Variants in PHACTR2 observed in about 807,000 individuals in gnomAD.
PHACTR2 encodes phosphatase and actin regulator 2, also known as chromosome 6 open reading frame 56.
Under a neutral mutation model 76.0 loss-of-function variants are expected in PHACTR2, and 30 were observed. That is an observed-to-expected ratio of 0.39 (90% CI 0.30 to 0.54). The LOEUF is 0.54. Ranked by LOEUF, PHACTR2 falls within the 20% of genes least tolerant of loss-of-function variation. The pLI is 0.61. For missense variants in PHACTR2, 696 were observed against 781.1 expected (o/e 0.89, Z 1.30); for synonymous variants, 292 against 292.5 (o/e 1.00, Z 0.02).
rs1370221196 is a variant in PHACTR2 at position 143,777,281 on chromosome 6, A to G, written c.1590-47A>G. ...GTTGTTTTATTCTGAGTCTCCTACT[A>G]GGGTACCTTGTTTTTAACCTGTAAT... On this transcript the variant is annotated intron_variant, in intron 8 of 12. Transcript: ENST00000440869. This position sits in a 1 kb window ranked among gnomAD's most constrained non-coding sequence, Gnocchi z 4.6. 1 of 976,230 alleles carries G rather than the reference A, an allele frequency of 1.0e-6. No individual in the cohort carries two copies. The highest frequency in any genetic ancestry group is 1.6e-5 in the African/African-American group (1 of 61,284). 60.5% of individuals were successfully genotyped at this position (976,230 alleles called of 1,614,324 possible).
chr6:143,537,291 C>A lies in PHACTR2; in HGVS notation c.217+84C>A, dbSNP rs1252223697. On this transcript the variant is annotated intron_variant, in intron 1 of 11. Coordinates refer to the PHACTR2 transcript ENST00000367584. This position sits in a 1 kb window ranked among gnomAD's most constrained non-coding sequence, Gnocchi z 4.4. The stretch of plus-strand genomic sequence containing the variant: ...GGCGACGCGGCCAACCCGGGGCGCC[C>A]GCGGGCACTGGCCCGGCAGGCTGGC... 1.4e-5 allele frequency: 2 copies of A among 146,950 alleles called. No individual in the cohort carries two copies. The highest frequency in any genetic ancestry group is 5.0e-5 in the African/African-American group (2 of 40,046). The allele number at this position is 146,950 out of a possible 1,614,324, so 9.1% of individuals were successfully genotyped here. A position where few individuals can be genotyped will look rare whatever the true frequency, so the allele number is the denominator to read the frequency against.
intron 2 of PHACTR2, among the ~76,000 whole-genome samples, chr6:143,715,933 A>G (rs1054363590): frequency 2.6e-5 from 4 of 152,128 alleles, no homozygotes; most frequent in African/African-American, 9.7e-5. Flanking sequence ...TAGTCCTATC[A>G]CCTAATGTCT....
intron 10 of PHACTR2, among the ~76,000 whole-genome samples, chr6:143,785,876 A>G (rs1187125306): frequency 4.6e-5 from 7 of 152,220 alleles, no homozygotes; most frequent in Admixed American, 1.3e-4. Context: ...TGCACACAGC[A>G]CAGGGACCCT....
chr6:143,627,844 G>A lies in PHACTR2; in HGVS notation c.13+19522G>A, dbSNP rs538890994. ...TCTCGATCTCCTGACCTTGTGATCC[G>A]CCCACCTCGGCCTCCCAAAGTACAA... On this transcript the variant is annotated intron_variant, in intron 1 of 11. Transcript: ENST00000305766. The surrounding 1 kb of genome is among the most constrained non-coding windows in gnomAD (Gnocchi z 4.3). Among the ~76,000 whole-genome samples the A allele has an allele frequency of 4.6e-5, 7 of 151,702 alleles. No individual in the cohort carries two copies. Among genetic ancestry groups the A allele is most frequent in the South Asian group, 2.1e-4 (1 of 4,794 alleles).
In PHACTR2 at chr6:143,580,385, T is replaced by G. The variant is rs575662172; in HGVS notation, c.217+43178T>G. 7.9e-4 allele frequency among the ~76,000 whole-genome samples: 120 copies of G among 152,334 alleles called. No homozygotes were observed. Among genetic ancestry groups the G allele is most frequent in the African/African-American group, 2.6e-3 (109 of 41,570 alleles). On this transcript the variant is annotated intron_variant, in intron 1 of 11. Coordinates refer to the PHACTR2 transcript ENST00000367584. The surrounding 1 kb of genome is among the most constrained non-coding windows in gnomAD (Gnocchi z 4.2). ...CTGTAGTCCCAGCTACTCTGGAGGC[T>G]GAGGCAGGAGAATGGCGTGAACCCA... is the stretch of plus-strand genomic sequence containing the variant.
At position 143,742,995 on chromosome 6, in the gene PHACTR2, TC is replaced by T. The variant is rs1778978171; in HGVS notation, c.215-5988del. Among the ~76,000 whole-genome samples, 1 of 152,174 alleles carries T rather than the reference TC, an allele frequency of 6.6e-6. No individual in the cohort carries two copies. Among genetic ancestry groups the T allele is most frequent in the Non-Finnish European group, 1.5e-5 (1 of 68,038 alleles). On this transcript the variant is annotated intron_variant, in intron 2 of 12. Coordinates refer to ENST00000440869, the MANE Select transcript of PHACTR2 (RefSeq NM_001100164.2). This position sits in a 1 kb window ranked among gnomAD's most constrained non-coding sequence, Gnocchi z 4.5. ...TTTACTTGGTTTAACCTATTTAGTC[TC>T]CAAAAGAACCAGGAAAGTAGTTGCT...
rs1781195289 is a variant in PHACTR2, at chr6:143,543,853, T to C, written c.217+6646T>C. Among the ~76,000 whole-genome samples the C allele has an allele frequency of 6.6e-6, 1 of 152,188 alleles. No individual in the cohort carries two copies. The highest frequency in any genetic ancestry group is 2.1e-4 in the South Asian group (1 of 4,822). ...ATATGGATATATTCTGAGTATATTC[T>C]GACATGAACACTGAAAGACAGAGAC... On this transcript the variant is annotated intron_variant, in intron 1 of 11. Coordinates refer to the PHACTR2 transcript ENST00000367584. The surrounding 1 kb of genome is among the most constrained non-coding windows in gnomAD (Gnocchi z 4.7).
rs1349737009 is a variant in PHACTR2, at chr6:143,783,888, G to T, written c.1707+608G>T. 6.6e-6 allele frequency among the ~76,000 whole-genome samples: 1 copy of T among 151,932 alleles called. No individual in the cohort carries two copies. Among genetic ancestry groups the T allele is most frequent in the Non-Finnish European group, 1.5e-5 (1 of 67,976 alleles). ...AAATTGTTTTGAGTCAGGTGCAATG[G>T]CACGCACCTGTAGTCCCAGCTACTT... On this transcript the variant is annotated intron_variant, in intron 10 of 12. Coordinates refer to ENST00000440869, the MANE Select transcript of PHACTR2 (RefSeq NM_001100164.2). The surrounding 1 kb of genome is among the most constrained non-coding windows in gnomAD (Gnocchi z 5.2).
chr6:143,815,855 G>A (rs1490190395), intron 12 of PHACTR2, among the ~76,000 whole-genome samples: 1 of 146,332 alleles, frequency 6.8e-6, no homozygotes, highest in African/African-American at 2.5e-5. Flanking sequence ...TTGCACCACT[G>A]CACACTAGCC....
At chr6:143,538,093 TACACAC>T (rs34308001) in intron 1 of PHACTR2, among the ~76,000 whole-genome samples, 4 of 150,562 alleles carry the variant, frequency 2.7e-5, no homozygotes, top group Admixed American at 1.3e-4. Flanking sequence ...GACTCCGTCT[TACACAC>T]ACACACACAC....
Position 143,750,825 on chromosome 6 carries a change from T to G in PHACTR2, c.295+1760T>G, listed in dbSNP as rs534342843. Among the ~76,000 whole-genome samples, 13 of 152,306 alleles carry G rather than the reference T, an allele frequency of 8.5e-5. No individual in the cohort carries two copies. The highest frequency in any genetic ancestry group is 7.8e-4 in the Admixed American group (12 of 15,296). On this transcript the variant is annotated intron_variant, in intron 3 of 12. Coordinates refer to ENST00000440869, the MANE Select transcript of PHACTR2 (RefSeq NM_001100164.2). The surrounding 1 kb of genome is among the most constrained non-coding windows in gnomAD (Gnocchi z 4.6). ...TAAAACATAAAAGAACAAAACAATT[T>G]TTTAACCTAAGCATAATATAATAAT...
At chr6:143,607,189 G>A (rs1368743348), upstream of PHACTR2, among the ~76,000 whole-genome samples, 1 of 152,148 alleles carries the variant, frequency 6.6e-6, no homozygotes, top group Non-Finnish European at 1.5e-5. Context: ...AATTCTGTCT[G>A]TATAAAAGAC....
At chr6:143,724,050 C>T (rs1778502743) in intron 2 of PHACTR2, among the ~76,000 whole-genome samples, 1 of 151,842 alleles carries the variant, frequency 6.6e-6, no homozygotes. Flanking sequence ...GCAGCCTCTG[C>T]CTCCCAGGTT....
At chr6:143,645,876 T>TTTTA (rs1417193860) in intron 1 of PHACTR2, among the ~76,000 whole-genome samples, 1 of 152,198 alleles carries the variant, frequency 6.6e-6, no homozygotes, top group Admixed American at 6.5e-5. Context: ...AGAAAATATT[T>TTTTA]TTTAAAGTGT....
intron 10 of PHACTR2, 41 bp from the exon 11 acceptor site, chr6:143,788,732 G>A (rs758013407): frequency 4.5e-6 from 7 of 1,569,514 alleles, no homozygotes; most frequent in Non-Finnish European, 6.1e-6. Flanking sequence ...GAGGCTGTAA[G>A]TGGTTTACTG....
rs767420155 is a variant in PHACTR2 at position 143,537,873 on chromosome 6, A to T, written c.217+666A>T. 2.0e-5 allele frequency among the ~76,000 whole-genome samples: 3 copies of T among 152,192 alleles called. No homozygotes were observed. Among genetic ancestry groups the T allele is most frequent in the African/African-American group, 4.8e-5 (2 of 41,450 alleles). On this transcript the variant is annotated intron_variant, in intron 1 of 11. Transcript: ENST00000367584. The surrounding 1 kb of genome is among the most constrained non-coding windows in gnomAD (Gnocchi z 4.4). Reference sequence around the variant, plus strand: ...GTAATTCCAGAGCTTTGGGAGGCCCAAGGCCGGCCGATCACTTGAGGTCAA... The same window carrying T: ...GTAATTCCAGAGCTTTGGGAGGCCCTAGGCCGGCCGATCACTTGAGGTCAA...
In PHACTR2 at chr6:143,571,560, T is replaced by G. The variant is rs1348481225; in HGVS notation, c.217+34353T>G. Among the ~76,000 whole-genome samples the G allele has an allele frequency of 6.6e-6, 1 of 152,076 alleles. No homozygotes were observed. Among genetic ancestry groups the G allele is most frequent in the Non-Finnish European group, 1.5e-5 (1 of 68,006 alleles). On this transcript the variant is annotated intron_variant, in intron 1 of 11. Transcript: ENST00000367584. This position sits in a 1 kb window ranked among gnomAD's most constrained non-coding sequence, Gnocchi z 4.6. ...AGCAGCTGGGACTACAGGTGTGCAC[T>G]GCCACACCTGGTTAATTTTTTTTAA...
Position 143,598,095 on chromosome 6 carries a change from C to A in PHACTR2, c.217+60888C>A, listed in dbSNP as rs1381906268. ...TAGGTCGAAGAATGCCCCCCGCGCC[C>A]CCAAAAAAGAACCATATCTTAACCC... is the stretch of plus-strand genomic sequence containing the variant. On this transcript the variant is annotated intron_variant, in intron 1 of 11. Transcript: ENST00000367584. The surrounding 1 kb of genome is among the most constrained non-coding windows in gnomAD (Gnocchi z 4.1). 6.6e-6 allele frequency among the ~76,000 whole-genome samples: 1 copy of A among 151,878 alleles called. No individual in the cohort carries two copies. Among genetic ancestry groups the A allele is most frequent in the Admixed American group, 6.6e-5 (1 of 15,252 alleles).
At position 143,830,608 on chromosome 6, in the gene PHACTR2, T is replaced by C. The variant is rs185530113; in HGVS notation, c.*6919T>C. 6.6e-6 allele frequency: 1 copy of C among 152,348 alleles called. No individual in the cohort carries two copies. The highest frequency in any genetic ancestry group is 1.9e-4 in the East Asian group (1 of 5,192). 9.4% of individuals were successfully genotyped at this position (152,348 alleles called of 1,614,324 possible). ...GTACTTGTATTCCACTATTGTAACCTGAAAGAAAGACTATGTATTCCCTTT... is the reference window on the plus strand; with the variant it reads ...GTACTTGTATTCCACTATTGTAACCCGAAAGAAAGACTATGTATTCCCTTT... On this transcript the variant is annotated 3_prime_UTR_variant, in exon 13 of 13. Coordinates refer to ENST00000440869, the MANE Select transcript of PHACTR2 (RefSeq NM_001100164.2).
Sources: allele counts gnomAD v4.1 joint callset (sites outside exome capture counted in the v4.1 genomes callset), GRCh38; gene constraint gnomAD v4.1.1; non-coding constraint Gnocchi (gnomAD v3.1); transcripts MANE v1.5; gene names NCBI Gene and HGNC (gene_info 2026-07-23, HGNC 2026-07-21).